MUC5AC: variants seen among roughly 807,000 people sequenced by gnomAD.
MUC5AC encodes the protein mucin 5AC, oligomeric mucus/gel-forming, also known as mucin-5AC.
MUC5AC carries 158 observed loss-of-function variants against 169.7 expected under a neutral mutation model. The observed-to-expected ratio is 0.93, with a 90% CI of 0.82 to 1.06. The LOEUF (loss-of-function observed/expected upper bound fraction) is 1.06, where lower values mean the gene tolerates loss of function less well. Ranked by LOEUF, MUC5AC falls within the 50% of genes least tolerant of loss-of-function variation. The pLI, the probability that MUC5AC is intolerant of heterozygous loss-of-function variation, is 0.00. For synonymous variants in MUC5AC, 1,975 were observed against 1,237.0 expected (o/e 1.60, Z -12.52); for missense variants, 4,359 against 3,089.9 (o/e 1.41, Z -9.74).
intron 10 of MUC5AC, 21 bp downstream of exon 10, chr11:1,165,440 A>G: frequency 6.9e-7 from 1 of 1,454,626 alleles, no homozygotes; most frequent in Non-Finnish European, 9.0e-7. Context: ...GCCCCCCTCC[A>G]GGCCACCAAG....
chr11:1,177,849 G>C (rs974408270), intron 24 of MUC5AC, among the ~76,000 whole-genome samples: 2 of 152,218 alleles, frequency 1.3e-5, no homozygotes, highest in Non-Finnish European at 2.9e-5. Flanking sequence ...GCAAAGGCCC[G>C]CACCCTGGCG....
intron 15 of MUC5AC, among the ~76,000 whole-genome samples, chr11:1,171,443 A>C (rs1860528743): frequency 3.4e-5 from 4 of 118,406 alleles, no homozygotes; most frequent in South Asian, 2.9e-4. Context: ...TTACTCACCC[A>C]CTCACCCATT....
chr11:1,176,799 G>A lies in MUC5AC; in HGVS notation c.2655-129G>A, dbSNP rs1375641126. The A allele has an allele frequency of 1.0e-5, 4 of 398,534 alleles. No homozygotes were observed. The East Asian group carries it at 1.4e-4, about 14-fold the overall frequency. 24.7% of individuals were successfully genotyped at this position (398,534 alleles called of 1,614,324 possible). On this transcript the variant is annotated intron_variant, in intron 21 of 48. Transcript: ENST00000621226. Reference sequence around the variant, plus strand: ...ACAGACTCAGGGCTGGACGCCACCAGCAGCCCCAGCCAGGGAGGCCCAGTG... The same window carrying A: ...ACAGACTCAGGGCTGGACGCCACCAACAGCCCCAGCCAGGGAGGCCCAGTG...
chr11:1,177,409 G>A (rs1257202832), intron 23 of MUC5AC, 45 bp from the exon 24 acceptor site: 2 of 404,058 alleles, frequency 4.9e-6, no homozygotes, highest in African/African-American at 2.0e-5. Flanking sequence ...GGTCAGGTGG[G>A]CTGGGGTTCT....
chr11:1,178,223 T>C (rs36164911), intron 24 of MUC5AC, among the ~76,000 whole-genome samples: 74,729 of 152,068 alleles, frequency 0.49, 19,998 homozygotes, highest in African/African-American at 0.73. Flanking sequence ...TGCCTCTGGC[T>C]CCGGCCCTCG....
chr11:1,176,306 A>T, intron 20 of MUC5AC, 55 bp downstream of exon 20: 1 of 398,732 alleles, frequency 2.5e-6, no homozygotes, highest in Non-Finnish European at 4.4e-6. Flanking sequence ...CTGCCTGCTA[A>T]GGGCGCCTGT....
chr11:1,197,874 T>C (rs1490749351), intron 41 of MUC5AC, 29 bp from the exon 42 acceptor site: 1 of 699,610 alleles, frequency 1.4e-6, no homozygotes, highest in Non-Finnish European at 2.6e-6. Context: ...GGGGACAGAC[T>C]CCTAATTGCC....
In MUC5AC at chr11:1,178,574, A is replaced by G; in HGVS notation, c.3218A>G (p.Asp1073Gly). 3 of 1,407,262 alleles carry G rather than the reference A, an allele frequency of 2.1e-6. No homozygotes were observed. The highest frequency in any genetic ancestry group is 1.7e-5 in the South Asian group (1 of 59,914). 87.2% of individuals were successfully genotyped at this position (1,407,262 alleles called of 1,614,324 possible). ...NSWKLSPSCP[D>G]ALAPKDPCTA... ...TGGAAGCTCTCCCCCTCCTGCCCAG[A>G]TGCCCTGGCGCCCAAGGACCCCTGC... The change falls in exon 25 of 49, where the codon GAT (aspartate) becomes GGT (glycine). Residue 1073 changes from aspartate to glycine, a missense_variant. Physicochemically the swap from Asp to Gly is moderately conservative, Grantham distance 94 (BLOSUM62 -1). Coordinates refer to ENST00000621226, the MANE Select transcript of MUC5AC (RefSeq NM_001304359.2).
Position 1,184,886 on chromosome 11 carries a change from G to A in MUC5AC, c.6741G>A (p.Trp2247Ter). The change falls in exon 31 of 49, where the codon TGG (tryptophan) becomes TGA (stop). Residue 2247 changes from tryptophan (W) to a stop codon, truncating the protein, a stop_gained. Transcript: ENST00000621226. LOFTEE classifies it high-confidence loss of function. Reference sequence around the variant, plus strand: ...GCCCAACTCAGAGCACCTCCTCTTGGCAGAAATCCAGGACAACCACTTTGG... The same window carrying A: ...GCCCAACTCAGAGCACCTCCTCTTGACAGAAATCCAGGACAACCACTTTGG... ...ATSPTQSTSS[W>*]QKSRTTTLVT... 1 of 631,582 alleles carries A rather than the reference G, an allele frequency of 1.6e-6. No homozygotes were observed. The highest frequency in any genetic ancestry group is 2.8e-6 in the Non-Finnish European group (1 of 353,720). 39.1% of individuals were successfully genotyped at this position (631,582 alleles called of 1,614,324 possible).
rs1860951114 is a variant in MUC5AC, at chr11:1,186,532, C to G, written c.8387C>G (p.Thr2796Arg). 2 of 698,554 alleles carry G rather than the reference C, an allele frequency of 2.9e-6. No homozygotes were observed. The highest frequency in any genetic ancestry group is 5.2e-6 in the Non-Finnish European group (2 of 382,342). 43.3% of individuals were successfully genotyped at this position (698,554 alleles called of 1,614,324 possible). A position where few individuals can be genotyped will look rare whatever the true frequency, so the allele number is the denominator to read the frequency against. ...ACAACTTTGTCTCCTACAACCAGCA[C>G]AACCTCTACTACTATAACCAGCACA... Reference protein sequence around the residue: ...TSTTLSPTTSTTSTTITSTTS... With the variant: ...TSTTLSPTTSRTSTTITSTTS... Residue 2796 changes from threonine (T) to arginine (R), a missense_variant, in exon 31 of 49, where the codon ACA (threonine) becomes AGA (arginine). Transcript: ENST00000621226.
At chr11:1,170,381 TCACC>T (rs1228901433) in intron 15 of MUC5AC, among the ~76,000 whole-genome samples, 6 of 125,934 alleles carry the variant, frequency 4.8e-5, no homozygotes, top group Non-Finnish European at 6.5e-5. Context: ...ACGCGCCCAC[TCACC>T]CACTCACCCA....
At chr11:1,162,211 G>T in intron 4 of MUC5AC, 43 bp downstream of exon 4, 11 of 1,592,952 alleles carry the variant, frequency 6.9e-6, no homozygotes, top group Non-Finnish European at 9.4e-6. Context: ...GCGGCGTGTG[G>T]GGTGGCATTT....
At chr11:1,165,274 C>T (rs374227079) in intron 9 of MUC5AC, 28 bp from the exon 10 acceptor site, 10 of 1,593,070 alleles carry the variant, frequency 6.3e-6, no homozygotes, top group African/African-American at 1.3e-5. Flanking sequence ...CAGCAGGCGC[C>T]CGTCATAGGC....
intron 11 of MUC5AC, among the ~76,000 whole-genome samples, chr11:1,166,807 G>A (rs1418981904): frequency 3.2e-5 from 3 of 93,986 alleles, no homozygotes; most frequent in Non-Finnish European, 6.2e-5. Flanking sequence ...AGTCTCCCAC[G>A]ATGAGACCCT....
rs1350067148 is a variant in MUC5AC, at chr11:1,167,881, G to A, written c.1391G>A (p.Cys464Tyr). ...GDCSYVLTKP[C>Y]DSSAFTVLAE... The stretch of plus-strand genomic sequence containing the variant: ...CTGGTGTGTCGTGTTCCGCAGCCCT[G>A]TGACAGCAGTGCCTTCACTGTACTG... The change falls in exon 12 of 49, where the codon TGT (cysteine) becomes TAT (tyrosine). Residue 464 changes from cysteine to tyrosine, a missense_variant. Physicochemically the swap from Cys to Tyr is radical, Grantham distance 194. Coordinates refer to ENST00000621226, the MANE Select transcript of MUC5AC (RefSeq NM_001304359.2). 5.2e-6 allele frequency: 8 copies of A among 1,550,210 alleles called. No homozygotes were observed. Among genetic ancestry groups the A allele is most frequent in the Non-Finnish European group, 7.0e-6 (8 of 1,146,924 alleles).
intron 9 of MUC5AC, 57 bp downstream of exon 9, chr11:1,164,589 G>T: frequency 6.5e-7 from 1 of 1,544,486 alleles, no homozygotes; most frequent in Non-Finnish European, 8.7e-7. Flanking sequence ...AGGGGGCTGT[G>T]CTCCCATGGC....
intron 6 of MUC5AC, among the ~76,000 whole-genome samples, chr11:1,163,408 C>A (rs934942333): frequency 6.6e-6 from 1 of 152,198 alleles, no homozygotes; most frequent in Non-Finnish European, 1.5e-5. Context: ...AGGCCCCACT[C>A]CCTGCCTCCC....
chr11:1,187,623 C>T lies in MUC5AC; in HGVS notation c.9478C>T (p.Pro3160Ser), dbSNP rs1564914798. The change falls in exon 31 of 49, where the codon CCC becomes TCC. Residue 3160 changes from proline (P) to serine (S), a missense_variant. Transcript: ENST00000621226. Reference sequence around the variant, plus strand: ...TCCTGGAACCACTCCCAGCCCTGTTCCCACCACCAGCACAATCTTTGCTCC... The same window carrying T: ...TCCTGGAACCACTCCCAGCCCTGTTTCCACCACCAGCACAATCTTTGCTCC... ...SGPGTTPSPV[P>S]TTSTIFAPRT... The T allele has an allele frequency of 1.3e-6, 1 of 763,970 alleles. No homozygotes were observed. The highest frequency in any genetic ancestry group is 2.4e-6 in the Non-Finnish European group (1 of 417,188). 47.3% of individuals were successfully genotyped at this position (763,970 alleles called of 1,614,324 possible).
rs879087080 is a variant in MUC5AC, at chr11:1,182,478, C to T, written c.4333C>T (p.Arg1445Cys). 199 of 398,496 alleles carry T rather than the reference C, an allele frequency of 5.0e-4. No homozygotes were observed. The highest frequency in any genetic ancestry group is 7.0e-4 in the Non-Finnish European group (158 of 226,108). 24.7% of individuals were successfully genotyped at this position (398,496 alleles called of 1,614,324 possible). The change falls in exon 31 of 49, where the codon CGT becomes TGT. Residue 1445 changes from arginine to cysteine, a missense_variant. Arg to Cys is a radical substitution (Grantham distance 180, BLOSUM62 -3). Transcript: ENST00000621226. ...PGVPLRALGQ[R>C]VQCSPDVGLT... ...AGTGCCGCTCCGAGCCCTGGGGCAG[C>T]GTGTGCAGTGCAGCCCGGATGTGGG...
Sources: gnomAD v4.1 joint callset for allele counts (sites outside exome capture counted in the v4.1 genomes callset) on GRCh38, gnomAD v4.1.1 for gene constraint, MANE v1.5 for transcripts, NCBI Gene and HGNC (gene_info 2026-07-23, HGNC 2026-07-21) for gene names.